Variants in NIBAN2 observed in about 807,000 individuals in gnomAD.
NIBAN2 encodes the protein protein Niban 2.
In NIBAN2, 36 loss-of-function variants were observed where a neutral mutation model predicts 81.8. That is an observed-to-expected ratio of 0.44 (90% CI 0.34 to 0.58). The LOEUF (loss-of-function observed/expected upper bound fraction) is 0.58, where lower values mean the gene tolerates loss of function less well. Ranked by LOEUF, NIBAN2 falls within the 20% of genes least tolerant of loss-of-function variation. The pLI is 0.02. For missense variants in NIBAN2, 897 were observed against 1,014.1 expected, an observed-to-expected ratio of 0.88 and a Z score of 1.57; for synonymous variants, 445 against 441.6, an observed-to-expected ratio of 1.01 and a Z score of -0.10.
chr9:127,552,480 G>A (rs779144945), intron 1 of NIBAN2, among the ~76,000 whole-genome samples: 48 of 152,110 alleles, frequency 3.2e-4, no homozygotes, highest in Non-Finnish European at 5.6e-4. Context: ...GGGAGGTTGA[G>A]GTGGGAGGAT....
In NIBAN2 at chr9:127,508,746, G is replaced by A. The variant is rs1836666875; in HGVS notation, c.1318-208C>T. Among the ~76,000 whole-genome samples the A allele has an allele frequency of 2.0e-5, 3 of 152,170 alleles. No homozygotes were observed. In the South Asian group the frequency reaches 6.2e-4, roughly 32 times the overall value. On this transcript the variant is annotated intron_variant, in intron 10 of 13. Transcript: ENST00000373312. The surrounding 1 kb of genome is among the most constrained non-coding windows in gnomAD (Gnocchi z 6.4). ...AGGAAATATGGGAAGGGGCCTGGGG[G>A]CGCAAGGAGAGCTTCCTGGAGGAAG...
chr9:127,563,558 T>C lies in NIBAN2; in HGVS notation c.55+5262A>G, dbSNP rs375861041. On this transcript the variant is annotated intron_variant, in intron 1 of 13. Transcript: ENST00000373312. The surrounding 1 kb of genome is among the most constrained non-coding windows in gnomAD (Gnocchi z 4.1). ...TTTTTTTTGAGACAGAGTCTCACTCTGTCACCCAGGCTGGAGTGCAATGGT... is the reference window on the plus strand; with the variant it reads ...TTTTTTTTGAGACAGAGTCTCACTCCGTCACCCAGGCTGGAGTGCAATGGT... 6.6e-6 allele frequency among the ~76,000 whole-genome samples: 1 copy of C among 151,790 alleles called. No individual in the cohort carries two copies. Among genetic ancestry groups the C allele is most frequent in the East Asian group, 1.9e-4 (1 of 5,154 alleles).
chr9:127,508,425 C>T lies in NIBAN2; in HGVS notation c.1431G>A (p.Leu477=). 6.2e-7 allele frequency: 1 copy of T among 1,609,816 alleles called. No individual in the cohort carries two copies. Among genetic ancestry groups the T allele is most frequent in the Non-Finnish European group, 8.5e-7 (1 of 1,179,132 alleles). ...GGCAGGGCGTGGGGCCGCTCACCTT[C>T]AGCACCCGCTCCAGGACCCGCTGGA... ...KSIQRVLERV[L]KKYDYDSSSV... is the part of the protein sequence containing the mutation. The change falls in exon 11 of 14, where the codon CTG becomes CTA. Residue 477 remains leucine, a synonymous_variant. Transcript: ENST00000373312. This position sits in a 1 kb window ranked among gnomAD's most constrained non-coding sequence, Gnocchi z 6.4.
At chr9:127,568,490 G>A (rs1837896870) in intron 1 of NIBAN2, among the ~76,000 whole-genome samples, 1 of 152,196 alleles carries the variant, frequency 6.6e-6, no homozygotes, top group Admixed American at 6.5e-5. Flanking sequence ...GACAGCCAAG[G>A]GTGGGCAGCA....
In NIBAN2 at chr9:127,508,797, G is replaced by T. The variant is rs554315679; in HGVS notation, c.1317+179C>A. Among the ~76,000 whole-genome samples, 1 of 152,094 alleles carries T rather than the reference G, an allele frequency of 6.6e-6. No homozygotes were observed. The highest frequency in any genetic ancestry group is 2.1e-4 in the South Asian group (1 of 4,812). On this transcript the variant is annotated intron_variant, in intron 10 of 13. Coordinates refer to ENST00000373312, the MANE Select transcript of NIBAN2 (RefSeq NM_022833.4). This position sits in a 1 kb window ranked among gnomAD's most constrained non-coding sequence, Gnocchi z 6.4. The stretch of plus-strand genomic sequence containing the variant: ...GGGTCTCTAAGCTGAGACCTGGGAA[G>T]TGAGTCAGAATTAGCCAGGTGGGCA...
intron 1 of NIBAN2, among the ~76,000 whole-genome samples, chr9:127,574,130 AG>A (rs373521581): frequency 3.3e-4 from 50 of 152,314 alleles, no homozygotes; most frequent in African/African-American, 1.1e-3. Flanking sequence ...TCTATTCACC[AG>A]GGGCTCCCAC....
At chr9:127,576,769 G>A (rs1221830905) in intron 1 of NIBAN2, among the ~76,000 whole-genome samples, 1 of 150,816 alleles carries the variant, frequency 6.6e-6, no homozygotes, top group Non-Finnish European at 1.5e-5. Flanking sequence ...TCCCAAGACA[G>A]AGTCTTGCTC....
chr9:127,571,583 C>T (rs1194886382), upstream of NIBAN2, among the ~76,000 whole-genome samples: 1 of 152,188 alleles, frequency 6.6e-6, no homozygotes, highest in Non-Finnish European at 1.5e-5. Flanking sequence ...GTAGTCCCAG[C>T]TGCTCAGAAG....
Position 127,545,688 on chromosome 9 carries a change from G to A in NIBAN2, c.56-13910C>T, listed in dbSNP as rs576116840. 1.3e-5 allele frequency among the ~76,000 whole-genome samples: 2 copies of A among 152,310 alleles called. No individual in the cohort carries two copies. The highest frequency in any genetic ancestry group is 2.1e-4 in the South Asian group (1 of 4,826). On this transcript the variant is annotated intron_variant, in intron 1 of 13. Coordinates refer to ENST00000373312, the MANE Select transcript of NIBAN2 (RefSeq NM_022833.4). This position sits in a 1 kb window ranked among gnomAD's most constrained non-coding sequence, Gnocchi z 4.7. The stretch of plus-strand genomic sequence containing the variant: ...TGGGGAAGGGTGAGCTTTGAGGCAG[G>A]AGGGCTGGGAGGAGAGGGCGGGGCT...
upstream of NIBAN2, among the ~76,000 whole-genome samples, chr9:127,571,977 G>T (rs1386432350): frequency 6.6e-6 from 1 of 152,158 alleles, no homozygotes; most frequent in African/African-American, 2.4e-5. Flanking sequence ...TTATCAAACT[G>T]TACAGATGCA....
chr9:127,564,975 G>C (rs893839650), intron 1 of NIBAN2, among the ~76,000 whole-genome samples: 1 of 152,214 alleles, frequency 6.6e-6, no homozygotes, highest in Non-Finnish European at 1.5e-5. Context: ...CTTCTGGGAA[G>C]TGGGATTTAA....
rs537659922 is a variant in NIBAN2, at chr9:127,533,458, AAAAAC to A, written c.56-1685_56-1681del. On this transcript the variant is annotated intron_variant, in intron 1 of 13. Coordinates refer to ENST00000373312, the MANE Select transcript of NIBAN2 (RefSeq NM_022833.4). Reference sequence around the variant, plus strand: ...GGCGACAGAGCGAGACTCCATCTCAAAAAACAAAACAAAACAAAACAAAAATTAGC... The same window carrying A: ...GGCGACAGAGCGAGACTCCATCTCAAAAAACAAAACAAAACAAAAATTAGC... 1.7e-3 allele frequency among the ~76,000 whole-genome samples: 256 copies of A among 152,170 alleles called. 1 individual carries two copies. The highest frequency in any genetic ancestry group is 5.6e-3 in the African/African-American group (233 of 41,540).
At chr9:127,524,856 G>A (rs1837030418) in intron 4 of NIBAN2, 1 of 547,116 alleles carries the variant, frequency 1.8e-6, no homozygotes. Flanking sequence ...ACGAGGGAAG[G>A]TCACTGAACA....
upstream of NIBAN2, among the ~76,000 whole-genome samples, chr9:127,572,622 A>G (rs1837961508): frequency 6.6e-6 from 1 of 152,140 alleles, no homozygotes; most frequent in South Asian, 2.1e-4. Context: ...GCTGCCATTT[A>G]TGGAGATGGA....
chr9:127,538,720 A>C (rs1416720194), intron 1 of NIBAN2, among the ~76,000 whole-genome samples: 1 of 151,462 alleles, frequency 6.6e-6, no homozygotes, highest in African/African-American at 2.4e-5. Context: ...CGAGGCAGGC[A>C]GATCACTTGA....
intron 1 of NIBAN2, among the ~76,000 whole-genome samples, chr9:127,574,184 C>A (rs1388125516): frequency 6.6e-6 from 1 of 152,148 alleles, no homozygotes; most frequent in African/African-American, 2.4e-5. Context: ...TTGAAAATGC[C>A]AGGGCTGTGG....
At chr9:127,519,038 G>A (rs1051993383) in intron 5 of NIBAN2, among the ~76,000 whole-genome samples, 8 of 151,998 alleles carry the variant, frequency 5.3e-5, no homozygotes, top group African/African-American at 1.7e-4. Flanking sequence ...AGCTGGGCAT[G>A]GTGGCAGGCA....
intron 1 of NIBAN2, among the ~76,000 whole-genome samples, chr9:127,544,005 A>G (rs754816510): frequency 1.3e-5 from 2 of 151,874 alleles, no homozygotes; most frequent in Non-Finnish European, 1.5e-5. Context: ...GCTCCTGAGA[A>G]GTTAAGTGAC....
chr9:127,531,677 G>A lies in NIBAN2; in HGVS notation c.157C>T (p.Leu53=). The change falls in exon 2 of 14, where the codon CTG becomes TTG. Residue 53 remains leucine, a synonymous_variant. Coordinates refer to ENST00000373312, the MANE Select transcript of NIBAN2 (RefSeq NM_022833.4). ...SMRHEIEGTG[L]PQAQLLWRKV... is the part of the protein sequence containing the mutation. ...CGCCAGAGCAGCTGGGCCTGCGGCA[G>A]CCCCGTGCCCTCAATCTCATGGCGC... The A allele has an allele frequency of 6.2e-7, 1 of 1,613,816 alleles. No individual in the cohort carries two copies. Among genetic ancestry groups the A allele is most frequent in the Non-Finnish European group, 8.5e-7 (1 of 1,180,020 alleles).
Sources: gnomAD v4.1 joint callset for allele counts (sites outside exome capture counted in the v4.1 genomes callset) on GRCh38, gnomAD v4.1.1 for gene constraint, Gnocchi (gnomAD v3.1) non-coding constraint, MANE v1.5 for transcripts, NCBI Gene and HGNC (gene_info 2026-07-23, HGNC 2026-07-21) for gene names.